TMEM70: variants seen among roughly 807,000 people sequenced by gnomAD.
TMEM70 encodes transmembrane protein 70, also known as transmembrane protein 70, mitochondrial.
TMEM70 carries 15 observed loss-of-function variants against 20.5 expected under a neutral mutation model. The ratio of observed to expected loss-of-function variants is 0.73; its 90% CI spans 0.49 to 1.13. The LOEUF (loss-of-function observed/expected upper bound fraction) is 1.13, where lower values mean the gene tolerates loss of function less well. Among genes scored for constraint, TMEM70 ranks in the 50% most tolerant of loss-of-function variants. The pLI, the probability that TMEM70 is intolerant of heterozygous loss-of-function variation, is 0.00. For missense variants in TMEM70, 344 were observed against 331.7 expected (o/e 1.04, Z -0.29); for synonymous variants, 141 against 134.2 (o/e 1.05, Z -0.35).
At position 73,981,723 on chromosome 8, in the gene TMEM70, T is replaced by G; in HGVS notation, c.*102T>G. On this transcript the variant is annotated 3_prime_UTR_variant, in exon 3 of 3. Coordinates refer to ENST00000312184, the MANE Select transcript of TMEM70 (RefSeq NM_017866.6). ...TTAGTGACTGATTGTTAAAAATAATTTGAAATTATCAAAGCTTTTAATTTC... is the reference window on the plus strand; with the variant it reads ...TTAGTGACTGATTGTTAAAAATAATGTGAAATTATCAAAGCTTTTAATTTC... The G allele has an allele frequency of 1.1e-6, 1 of 874,330 alleles. No homozygotes were observed. The highest frequency in any genetic ancestry group is 1.8e-6 in the Non-Finnish European group (1 of 545,318). 54.2% of individuals were successfully genotyped at this position (874,330 alleles called of 1,614,324 possible). A position where few individuals can be genotyped will look rare whatever the true frequency, so the allele number is the denominator to read the frequency against.
rs746973761 is a variant in TMEM70, at chr8:73,981,555, CAAAG to C, written c.720_723del (p.Glu241AsnfsTer24). The C allele has an allele frequency of 1.5e-4, 246 of 1,613,322 alleles. 1 individual carries two copies. Among genetic ancestry groups the C allele is most frequent in the Non-Finnish European group, 2.0e-4 (238 of 1,179,748 alleles). On this transcript the variant is annotated frameshift_variant, in exon 3 of 3. Transcript: ENST00000312184. LOFTEE classifies it high-confidence loss of function. ...ACTATATCCATCTAATGGGTTATGA[CAAAG>C]AAGAATTTATTTTGTATATGGAAGA...
At chr8:73,980,416 T>A (rs1219199925) in intron 2 of TMEM70, among the ~76,000 whole-genome samples, 1 of 152,068 alleles carries the variant, frequency 6.6e-6, no homozygotes, top group African/African-American at 2.4e-5. Context: ...TCTCCCAAGC[T>A]GGAGTGCAGT....
rs185129965 is a variant in TMEM70 at position 73,977,208 on chromosome 8, G to A, written c.210+717G>A. Among the ~76,000 whole-genome samples, 762 of 152,106 alleles carry A rather than the reference G, an allele frequency of 5.0e-3. 4 individuals carry two copies. Among genetic ancestry groups the A allele is most frequent in the Non-Finnish European group, 7.4e-3 (501 of 67,998 alleles). On this transcript the variant is annotated intron_variant, in intron 1 of 2. Transcript: ENST00000312184. ...TTATTTCTTTTTTTTTGGAGGTGAA[G>A]TCTCGCTCTGTCACCCTGGTTGGAG...
rs534664640 is a variant in TMEM70 at position 73,978,654 on chromosome 8, C to T, written c.211-102C>T. On this transcript the variant is annotated intron_variant, in intron 1 of 2. Coordinates refer to ENST00000312184, the MANE Select transcript of TMEM70 (RefSeq NM_017866.6). The stretch of plus-strand genomic sequence containing the variant: ...GCAATGGTGAGCTGAGATCGCACCA[C>T]TGCCCTCCAGTCTGGGAGACAGAGC... 5 of 1,219,334 alleles carry T rather than the reference C, an allele frequency of 4.1e-6. No homozygotes were observed. In the South Asian group the frequency reaches 5.2e-5, roughly 13 times the overall value. 75.5% of individuals were successfully genotyped at this position (1,219,334 alleles called of 1,614,324 possible). A position where few individuals can be genotyped will look rare whatever the true frequency, so the allele number is the denominator to read the frequency against.
intron 1 of TMEM70, 93 bp from the exon 2 acceptor site, chr8:73,978,663 A>G: frequency 1.5e-6 from 2 of 1,330,770 alleles, no homozygotes; most frequent in Non-Finnish European, 2.1e-6. Flanking sequence ...ACTGCCCTCC[A>G]GTCTGGGAGA....
intron 1 of TMEM70, among the ~76,000 whole-genome samples, chr8:73,977,989 A>C (rs1270571880): frequency 6.6e-6 from 1 of 152,240 alleles, no homozygotes; most frequent in Non-Finnish European, 1.5e-5. Flanking sequence ...ACTAGAATTA[A>C]GGCAAGCCAT....
intron 1 of TMEM70, among the ~76,000 whole-genome samples, chr8:73,977,057 A>C (rs1034554100): frequency 6.6e-6 from 1 of 152,258 alleles, no homozygotes; most frequent in Non-Finnish European, 1.5e-5. Context: ...ATCTAATTAC[A>C]TTTCAGCATT....
Position 73,981,833 on chromosome 8 carries a change from T to G in TMEM70, c.*212T>G. The G allele has an allele frequency of 1.5e-6, 1 of 655,632 alleles. No homozygotes were observed. Among genetic ancestry groups the G allele is most frequent in the Non-Finnish European group, 2.8e-6 (1 of 358,176 alleles). 40.6% of individuals were successfully genotyped at this position (655,632 alleles called of 1,614,324 possible). On this transcript the variant is annotated 3_prime_UTR_variant, in exon 3 of 3. Coordinates refer to ENST00000312184, the MANE Select transcript of TMEM70 (RefSeq NM_017866.6). ...CTACCATTCGTGTTTTAGAAAGGTA[T>G]GTGAATAAATATGTTCATGCTAGTA...
At chr8:73,980,250 G>A (rs563298115) in intron 2 of TMEM70, among the ~76,000 whole-genome samples, 66 of 152,182 alleles carry the variant, frequency 4.3e-4, no homozygotes, top group African/African-American at 1.6e-3. Context: ...CACCAAGCCT[G>A]GCTAATTTTT....
intron 1 of TMEM70, among the ~76,000 whole-genome samples, chr8:73,976,705 A>G (rs886600690): frequency 6.6e-6 from 1 of 152,208 alleles, no homozygotes; most frequent in Non-Finnish European, 1.5e-5. Context: ...GAAAGTGCTT[A>G]CTTTTATGGT....
chr8:73,982,781 A>C lies in TMEM70; in HGVS notation c.*1160A>C. ...ACCACTGTTATTAAACAGGTGAAAAATACCTTGTGTAAAATTGCTGTCTCT... is the reference window on the plus strand; with the variant it reads ...ACCACTGTTATTAAACAGGTGAAAACTACCTTGTGTAAAATTGCTGTCTCT... On this transcript the variant is annotated 3_prime_UTR_variant, in exon 3 of 3. Coordinates refer to ENST00000312184, the MANE Select transcript of TMEM70 (RefSeq NM_017866.6). 3 of 448,416 alleles carry C rather than the reference A, an allele frequency of 6.7e-6. No individual in the cohort carries two copies. The highest frequency in any genetic ancestry group is 4.7e-5 in the South Asian group (3 of 63,798). The allele number at this position is 448,416 out of a possible 1,614,324, so 27.8% of individuals were successfully genotyped here.
At chr8:73,976,903 C>G (rs1273506362) in intron 1 of TMEM70, among the ~76,000 whole-genome samples, 1 of 152,180 alleles carries the variant, frequency 6.6e-6, no homozygotes, top group African/African-American at 2.4e-5. Flanking sequence ...TTAAGAATTA[C>G]TTTGGTCCCT....
chr8:73,978,823 G>A lies in TMEM70; in HGVS notation c.278G>A (p.Arg93Lys), dbSNP rs775474041. 2 of 1,613,990 alleles carry A rather than the reference G, an allele frequency of 1.2e-6. No homozygotes were observed. Among genetic ancestry groups the A allele is most frequent in the African/African-American group, 2.7e-5 (2 of 74,938 alleles). The change falls in exon 2 of 3, where the codon AGG becomes AAG. Residue 93 changes from arginine (R) to lysine (K), a missense_variant. Transcript: ENST00000312184. ...NTPSDKSEDG[R>K]LIYTGNMARA... ...CCATCTGACAAATCAGAAGATGGAA[G>A]GCTAATTTATACTGGCAATATGGCC...
intron 1 of TMEM70, among the ~76,000 whole-genome samples, chr8:73,977,207 A>C (rs1815672178): frequency 6.6e-6 from 1 of 152,052 alleles, no homozygotes; most frequent in Non-Finnish European, 1.5e-5. Flanking sequence ...TTGGAGGTGA[A>C]GTCTCGCTCT....
chr8:73,981,256 A>G lies in TMEM70; in HGVS notation c.418A>G (p.Ile140Val), dbSNP rs1420273843. The change falls in exon 3 of 3, where the codon ATT (isoleucine) becomes GTT (valine). Residue 140 changes from isoleucine (I) to valine (V), a missense_variant. Ile to Val is a conservative substitution (Grantham distance 29). Transcript: ENST00000312184. The part of the protein sequence containing the change: ...NAISESVPLP[I>V]QIIFYGIMGS... ...TATTTCTGAAAGTGTGCCTCTGCCT[A>G]TTCAAATCATATTCTATGGCATCAT... The G allele has an allele frequency of 4.3e-6, 7 of 1,613,870 alleles. No homozygotes were observed. Among genetic ancestry groups the G allele is most frequent in the Non-Finnish European group, 5.9e-6 (7 of 1,180,030 alleles).
At chr8:73,978,683 ACT>A (rs960719866) in intron 1 of TMEM70, 71 bp from the exon 2 acceptor site, 6 of 1,463,114 alleles carry the variant, frequency 4.1e-6, no homozygotes, top group Non-Finnish European at 5.6e-6. Context: ...ACAGAGCAAG[ACT>A]CTGTCTCAAA....
At chr8:73,976,786 G>T (rs1815662422) in intron 1 of TMEM70, among the ~76,000 whole-genome samples, 1 of 152,232 alleles carries the variant, frequency 6.6e-6, no homozygotes, top group African/African-American at 2.4e-5. Context: ...TAGAAGCTTA[G>T]AAGTGTTAAT....
intron 1 of TMEM70, among the ~76,000 whole-genome samples, chr8:73,977,180 A>G (rs1815671261): frequency 6.6e-6 from 1 of 152,072 alleles, no homozygotes; most frequent in Non-Finnish European, 1.5e-5. Flanking sequence ...TTTCAAGTAA[A>G]TTTTATTTCT....
rs73687119 is a variant in TMEM70 at position 73,978,965 on chromosome 8, A to G, written c.316+104A>G. On this transcript the variant is annotated intron_variant, in intron 2 of 2. Coordinates refer to ENST00000312184, the MANE Select transcript of TMEM70 (RefSeq NM_017866.6). Reference sequence around the variant, plus strand: ...GTTGTTATGGCATCCCTTAATTACAAGACGTAAGGAAAATTAGATTTTCAT... The same window carrying G: ...GTTGTTATGGCATCCCTTAATTACAGGACGTAAGGAAAATTAGATTTTCAT... 233,118 of 1,374,574 alleles carry G rather than the reference A, an allele frequency of 0.17. 23,392 individuals are homozygous for G. The highest frequency in any genetic ancestry group is 0.38 in the African/African-American group (25,781 of 68,466). The allele number at this position is 1,374,574 out of a possible 1,614,324, so 85.1% of individuals were successfully genotyped here.
Sources: gnomAD v4.1 joint callset for allele counts (sites outside exome capture counted in the v4.1 genomes callset) on GRCh38, gnomAD v4.1.1 for gene constraint, MANE v1.5 for transcripts, NCBI Gene and HGNC (gene_info 2026-07-23, HGNC 2026-07-21) for gene names.